The following SFRP1 variants were observed in gnomAD, a reference collection of about 807,000 sequenced individuals.
SFRP1 encodes secreted frizzled related protein 1, also known as secreted frizzled-related protein 1.
A neutral mutation model predicts 25.9 loss-of-function variants in SFRP1; 9 were observed. The ratio of observed to expected loss-of-function variants is 0.35; its 90% CI spans 0.21 to 0.61. SFRP1 has a LOEUF of 0.61. Ranked by LOEUF, SFRP1 falls within the 20% of genes least tolerant of loss-of-function variation. The pLI, the probability that SFRP1 is intolerant of heterozygous loss-of-function variation, is 0.78. For synonymous variants in SFRP1, 178 were observed against 174.0 expected (o/e 1.02, Z -0.18); for missense variants, 346 against 418.2 (o/e 0.83, Z 1.51).
At chr8:41,275,248 G>A in intron 2 of SFRP1, 1 of 438,698 alleles carries the variant, frequency 2.3e-6, no homozygotes, top group Non-Finnish European at 4.5e-6. Flanking sequence ...CCTCCAGTAG[G>A]AGAGCGAGAG....
At chr8:41,266,185 C>T (rs894161826) in intron 2 of SFRP1, among the ~76,000 whole-genome samples, 3 of 151,946 alleles carry the variant, frequency 2.0e-5, no homozygotes, top group Admixed American at 6.6e-5. Context: ...AAATCAAGGT[C>T]TCAGTTACCC....
chr8:41,281,919 G>A (rs1803638907), intron 2 of SFRP1, among the ~76,000 whole-genome samples: 1 of 152,150 alleles, frequency 6.6e-6, no homozygotes, highest in Admixed American at 6.5e-5. Flanking sequence ...CGTGCCTCAT[G>A]GTCAACAAAT....
chr8:41,271,383 T>TA (rs36088020), intron 2 of SFRP1: 48,269 of 149,360 alleles, frequency 0.32, 8,033 homozygotes, highest in Non-Finnish European at 0.38. Context: ...CAGGGAGTAT[T>TA]AAAAAAAAAA....
In SFRP1 at chr8:41,265,119, C is replaced by CCCA; in HGVS notation, c.*47_*48insTGG. 2.8e-5 allele frequency: 13 copies of CCCA among 464,786 alleles called. No homozygotes were observed. Among genetic ancestry groups the CCCA allele is most frequent in the East Asian group, 1.4e-4 (3 of 21,884 alleles). 28.8% of individuals were successfully genotyped at this position (464,786 alleles called of 1,614,324 possible). A position where few individuals can be genotyped will look rare whatever the true frequency, so the allele number is the denominator to read the frequency against. On this transcript the variant is annotated 3_prime_UTR_variant, in exon 3 of 3. Coordinates refer to ENST00000220772, the MANE Select transcript of SFRP1 (RefSeq NM_003012.5). ...CGGGTTCCCGGGGCACTGTCCCCCC[C>CCCA]GCTCCCACCCCACCCGAGGCTCCCT...
At chr8:41,278,967 C>T (rs893105916) in intron 2 of SFRP1, among the ~76,000 whole-genome samples, 3 of 151,982 alleles carry the variant, frequency 2.0e-5, no homozygotes, top group African/African-American at 4.8e-5. Context: ...TGCTTCAGGC[C>T]GAGCTACAGA....
intron 2 of SFRP1, among the ~76,000 whole-genome samples, chr8:41,265,983 T>C (rs367909732): frequency 3.3e-5 from 5 of 152,118 alleles, no homozygotes; most frequent in African/African-American, 1.2e-4. Context: ...CTGGCCAGCA[T>C]GGTGAAACCC....
chr8:41,278,786 A>G (rs1407688346), intron 2 of SFRP1, among the ~76,000 whole-genome samples: 1 of 152,224 alleles, frequency 6.6e-6, no homozygotes, highest in African/African-American at 2.4e-5. Context: ...ATGCCATCCC[A>G]TGTGACAGAT....
chr8:41,305,686 A>G (rs1218155355), intron 1 of SFRP1, among the ~76,000 whole-genome samples: 1 of 152,258 alleles, frequency 6.6e-6, no homozygotes, highest in East Asian at 1.9e-4. Flanking sequence ...ATGAACAAAA[A>G]AAGCAAAGGT....
At chr8:41,298,366 T>C (rs1803869862) in intron 2 of SFRP1, 1 of 152,216 alleles carries the variant, frequency 6.6e-6, no homozygotes, top group South Asian at 2.1e-4. Flanking sequence ...TTTGGAACAT[T>C]TCCAACACAA....
In SFRP1 at chr8:41,308,743, C is replaced by G. The variant is rs558728015; in HGVS notation, c.417G>C (p.Ser139=). ...CGAAGAACTGCATGACCGGCTCGCACGAGTCGCGCACGGCCTCGCAGAGCC... is the reference window on the plus strand; with the variant it reads ...CGAAGAACTGCATGACCGGCTCGCAGGAGTCGCGCACGGCCTCGCAGAGCC... ...CRWLCEAVRD[S]CEPVMQFFGF... is the part of the protein sequence containing the mutation. Residue 139 remains serine (S), a synonymous_variant, in exon 1 of 3, where the codon TCG becomes TCC. Coordinates refer to ENST00000220772, the MANE Select transcript of SFRP1 (RefSeq NM_003012.5). 9.3e-6 allele frequency: 15 copies of G among 1,608,036 alleles called. No homozygotes were observed. In the South Asian group the frequency reaches 1.7e-4, roughly 18 times the overall value.
chr8:41,268,047 T>C (rs1219408629), intron 2 of SFRP1, among the ~76,000 whole-genome samples: 1 of 152,214 alleles, frequency 6.6e-6, no homozygotes, highest in Non-Finnish European at 1.5e-5. Context: ...TTTAATTTAT[T>C]TTATTTATTA....
intron 2 of SFRP1, among the ~76,000 whole-genome samples, chr8:41,268,046 TTTTA>T (rs1280262517): frequency 6.6e-6 from 1 of 152,232 alleles, no homozygotes; most frequent in Non-Finnish European, 1.5e-5. Flanking sequence ...TTTTAATTTA[TTTTA>T]TTTATTAGAG....
chr8:41,269,876 A>C (rs1803482059), intron 2 of SFRP1, among the ~76,000 whole-genome samples: 1 of 152,224 alleles, frequency 6.6e-6, no homozygotes, highest in Non-Finnish European at 1.5e-5. Context: ...AGAGGGAAAG[A>C]GGGACATACT....
At chr8:41,272,762 T>C (rs1563359150) in intron 2 of SFRP1, among the ~76,000 whole-genome samples, 1 of 152,104 alleles carries the variant, frequency 6.6e-6, no homozygotes, top group Admixed American at 6.5e-5. Context: ...AAGGGTATTA[T>C]AGCAAGAGAG....
rs371904891 is a variant in SFRP1, at chr8:41,274,981, T to A, written c.623-9492A>T. On this transcript the variant is annotated intron_variant, in intron 2 of 2. Transcript: ENST00000220772. ...AAGGGTTTTGATTAAGAATTCTGCT[T>A]TCTCAACCAGCTTTTTGTTGTTTCC... The A allele has an allele frequency of 1.0e-5, 3 of 300,500 alleles. No homozygotes were observed. The East Asian group carries it at 4.1e-4, about 41-fold the overall frequency. The allele number at this position is 300,500 out of a possible 1,614,324, so 18.6% of individuals were successfully genotyped here. A position where few individuals can be genotyped will look rare whatever the true frequency, so the allele number is the denominator to read the frequency against.
intron 2 of SFRP1, among the ~76,000 whole-genome samples, chr8:41,273,268 T>C (rs1803533334): frequency 6.6e-6 from 1 of 152,162 alleles, no homozygotes; most frequent in Non-Finnish European, 1.5e-5. Context: ...GGTAGGCAGA[T>C]TGCCTGGGCT....
intron 2 of SFRP1, chr8:41,298,169 C>T (rs1803867187): frequency 6.6e-6 from 1 of 152,168 alleles, no homozygotes; most frequent in African/African-American, 2.4e-5. Flanking sequence ...GGGCTTGCTT[C>T]AGTAGCACAC....
intron 2 of SFRP1, among the ~76,000 whole-genome samples, chr8:41,294,714 T>C (rs762728400): frequency 1.3e-5 from 2 of 152,160 alleles, no homozygotes; most frequent in Non-Finnish European, 2.9e-5. Flanking sequence ...TCAGCCCTCA[T>C]GCTTACAGCC....
chr8:41,275,844 G>A (rs939633849), intron 2 of SFRP1, among the ~76,000 whole-genome samples: 5 of 152,272 alleles, frequency 3.3e-5, no homozygotes, highest in South Asian at 4.1e-4. Flanking sequence ...TCTTCTGGGC[G>A]CAAGTGATCC....
Sources: gnomAD v4.1 joint callset for allele counts (sites outside exome capture counted in the v4.1 genomes callset) on GRCh38, gnomAD v4.1.1 for gene constraint, MANE v1.5 for transcripts, NCBI Gene and HGNC (gene_info 2026-07-23, HGNC 2026-07-21) for gene names.